C10orf67: variants seen among roughly 807,000 people sequenced by gnomAD.
The protein encoded by C10orf67 is chromosome 10 open reading frame 67, also known as uncharacterized protein C10orf67, mitochondrial.
A neutral mutation model predicts 35.6 loss-of-function variants in C10orf67; 60 were observed. The ratio of observed to expected loss-of-function variants is 1.68; its 90% CI spans 1.37 to 2.09. The LOEUF (loss-of-function observed/expected upper bound fraction) is 2.09. C10orf67 is among the 30% of genes most tolerant of loss of function. The pLI, the probability that C10orf67 is intolerant of heterozygous loss-of-function variation, is 0.00. For missense variants in C10orf67, 474 were observed against 330.2 expected, an observed-to-expected ratio of 1.44 and a Z score of -3.38; for synonymous variants, 167 against 115.8, an observed-to-expected ratio of 1.44 and a Z score of -2.84.
rs118186908 is a variant in C10orf67 at position 23,209,661 on chromosome 10, A to T, written c.1571-5406T>A. ...TGTGGTGATCATTTCTCTTAAGTATATATAATTTTTATTTGTCAAGTATAT... is the reference window on the plus strand; with the variant it reads ...TGTGGTGATCATTTCTCTTAAGTATTTATAATTTTTATTTGTCAAGTATAT... On this transcript the variant is annotated intron_variant, in intron 15 of 15. Transcript: ENST00000636213. Among the ~76,000 whole-genome samples the T allele has an allele frequency of 3.0e-3, 463 of 152,280 alleles. 12 individuals carry two copies. The East Asian group carries it at 0.05, about 16-fold the overall frequency.
intron 12 of C10orf67, among the ~76,000 whole-genome samples, chr10:23,245,105 G>A (rs1032367584): frequency 6.6e-6 from 1 of 152,092 alleles, no homozygotes; most frequent in Non-Finnish European, 1.5e-5. Context: ...TATACAATGG[G>A]GGAAAGGATA....
intron 10 of C10orf67, among the ~76,000 whole-genome samples, chr10:23,251,801 T>C (rs1564472481): frequency 6.6e-6 from 1 of 152,240 alleles, no homozygotes; most frequent in Non-Finnish European, 1.5e-5. Flanking sequence ...GCATAGCTTA[T>C]CTGGCAAGAA....
chr10:23,290,078 G>T, intron 6 of C10orf67, 120 bp from the exon 7 acceptor site: 1 of 625,762 alleles, frequency 1.6e-6, no homozygotes, highest in East Asian at 2.8e-5. Flanking sequence ...ACAAGGCCTA[G>T]CAGGACTGTG....
rs540596316 is a variant in C10orf67, at chr10:23,288,782, A to G, written c.909+1118T>C. Among the ~76,000 whole-genome samples the G allele has an allele frequency of 3.3e-5, 5 of 152,264 alleles. 1 individual carries two copies. The highest frequency in any genetic ancestry group is 1.2e-4 in the African/African-American group (5 of 41,564). On this transcript the variant is annotated intron_variant, in intron 7 of 15. Transcript: ENST00000636213. ...TTAATCCATTTTAACTTAAAAATGGATACTCGGTTCAGTTACTGGAAGATA... is the reference window on the plus strand; with the variant it reads ...TTAATCCATTTTAACTTAAAAATGGGTACTCGGTTCAGTTACTGGAAGATA...
intron 15 of C10orf67, among the ~76,000 whole-genome samples, chr10:23,219,948 G>T (rs1420218772): frequency 1.4e-4 from 22 of 152,088 alleles, no homozygotes; most frequent in Non-Finnish European, 1.5e-5. Context: ...ATGACAGCAG[G>T]ATAGCTTGAG....
intron 1 of C10orf67, among the ~76,000 whole-genome samples, chr10:23,340,436 CT>C (rs1240659465): frequency 5.3e-5 from 8 of 152,074 alleles, no homozygotes; most frequent in Non-Finnish European, 8.8e-5. Flanking sequence ...GAGAGGATCC[CT>C]TGAGCTCAGA....
chr10:23,261,253 G>A (rs917438767), intron 10 of C10orf67, among the ~76,000 whole-genome samples: 26 of 152,012 alleles, frequency 1.7e-4, no homozygotes, highest in East Asian at 3.9e-4. Context: ...ACACACACAC[G>A]CAACAAAGAA....
At chr10:23,249,055 A>G (rs530600537) in intron 12 of C10orf67, among the ~76,000 whole-genome samples, 389 of 145,178 alleles carry the variant, frequency 2.7e-3, no homozygotes, top group Non-Finnish European at 4.6e-3. Context: ...GCTTGAACCC[A>G]GAAGATGGAG....
At chr10:23,272,263 C>A (rs1349785165) in intron 8 of C10orf67, among the ~76,000 whole-genome samples, 2 of 152,168 alleles carry the variant, frequency 1.3e-5, no homozygotes, top group Non-Finnish European at 2.9e-5. Flanking sequence ...TTTAAGAAAT[C>A]TTTGCCAAAT....
At chr10:23,231,950 CCGG>C in intron 13 of C10orf67, among the ~76,000 whole-genome samples, 1 of 151,508 alleles carries the variant, frequency 6.6e-6, no homozygotes, top group South Asian at 2.1e-4. Flanking sequence ...AGCTTAAAAA[CCGG>C]CAAAATTCAA....
intron 10 of C10orf67, among the ~76,000 whole-genome samples, chr10:23,262,181 A>G (rs1842766589): frequency 6.6e-6 from 1 of 152,156 alleles, no homozygotes; most frequent in African/African-American, 2.4e-5. Context: ...AGTCAGGATG[A>G]GTGACAGCAT....
chr10:23,237,224 T>G (rs1842072730), intron 13 of C10orf67, among the ~76,000 whole-genome samples: 1 of 152,210 alleles, frequency 6.6e-6, no homozygotes, highest in South Asian at 2.1e-4. Flanking sequence ...TCGTTCTTTT[T>G]TTATGGCTGC....
intron 15 of C10orf67, among the ~76,000 whole-genome samples, chr10:23,221,998 C>T (rs778573313): frequency 2.0e-5 from 3 of 152,234 alleles, no homozygotes; most frequent in East Asian, 1.9e-4. Context: ...TTATCTTATG[C>T]CTCCTCTACA....
intron 12 of C10orf67, among the ~76,000 whole-genome samples, chr10:23,240,708 C>G (rs142926148): frequency 6.6e-6 from 1 of 152,190 alleles, no homozygotes; most frequent in Non-Finnish European, 1.5e-5. Flanking sequence ...CATTTACTCA[C>G]ACAAAAGACT....
At chr10:23,261,347 T>G (rs1425878032) in intron 10 of C10orf67, among the ~76,000 whole-genome samples, 1 of 152,192 alleles carries the variant, frequency 6.6e-6, no homozygotes, top group Non-Finnish European at 1.5e-5. Context: ...GGATCTAGCT[T>G]TATTGTCCTG....
chr10:23,241,944 T>C (rs910602973), intron 12 of C10orf67, among the ~76,000 whole-genome samples: 4 of 149,576 alleles, frequency 2.7e-5, no homozygotes, highest in South Asian at 4.2e-4. Flanking sequence ...ACAGCAACAA[T>C]GAAGGCCAAA....
intron 5 of C10orf67, among the ~76,000 whole-genome samples, chr10:23,302,971 A>T (rs1588671268): frequency 6.6e-6 from 1 of 152,240 alleles, no homozygotes. Context: ...CTGCAAAAAA[A>T]GGTGGGAGTC....
At chr10:23,276,402 G>C (rs1443090440) in intron 8 of C10orf67, among the ~76,000 whole-genome samples, 1 of 152,016 alleles carries the variant, frequency 6.6e-6, no homozygotes, top group Non-Finnish European at 1.5e-5. Flanking sequence ...CTCAGCTTTG[G>C]GTGCTCTCCT....
intron 15 of C10orf67, among the ~76,000 whole-genome samples, chr10:23,221,528 T>G (rs936013353): frequency 1.6e-4 from 24 of 152,214 alleles, no homozygotes; most frequent in Admixed American, 1.3e-3. Context: ...CTTTCGGAGC[T>G]TGGAATAACT....
Sources: gnomAD v4.1 joint callset for allele counts (sites outside exome capture counted in the v4.1 genomes callset) on GRCh38, gnomAD v4.1.1 for gene constraint, MANE v1.5 for transcripts, NCBI Gene and HGNC (gene_info 2026-07-23, HGNC 2026-07-21) for gene names.